CFAP58: variants seen among roughly 807,000 people sequenced by gnomAD.
The protein encoded by CFAP58 is cilia- and flagella-associated protein 58.
In CFAP58, 88 loss-of-function variants were observed where a neutral mutation model predicts 119.5. The observed-to-expected ratio is 0.74, with a 90% confidence interval of 0.62 to 0.88. CFAP58 has a LOEUF of 0.88. Among genes scored for constraint, CFAP58 ranks in the 40% least tolerant of loss-of-function variants. CFAP58 has a pLI of 0.00. For missense variants in CFAP58, 990 were observed against 1,021.2 expected (o/e 0.97, Z 0.42); for synonymous variants, 365 against 366.3 (o/e 1.00, Z 0.04).
In CFAP58 at chr10:104,393,372, A is replaced by G. The variant is rs748527186; in HGVS notation, c.1571A>G (p.His524Arg). The G allele has an allele frequency of 1.2e-6, 2 of 1,613,926 alleles. No homozygotes were observed. The highest frequency in any genetic ancestry group is 2.2e-5 in the East Asian group (1 of 44,900). Reference protein sequence around the residue: ...DMKRKLKIMIHQVDELKEDIS... With the variant: ...DMKRKLKIMIRQVDELKEDIS... ...AAGAGAAAGTTAAAGATTATGATCC[A>G]TCAGGTAGATGAGCTGAAAGAAGAC... Residue 524 changes from histidine to arginine, a missense_variant, in exon 11 of 18, where the codon CAT becomes CGT. His to Arg is a conservative substitution (Grantham distance 29). Transcript: ENST00000369704.
intron 7 of CFAP58, among the ~76,000 whole-genome samples, chr10:104,372,878 A>G (rs1044643053): frequency 7.9e-5 from 12 of 152,176 alleles, no homozygotes; most frequent in Non-Finnish European, 1.8e-4. Flanking sequence ...CTTAGGGATC[A>G]CGTCCTTTTG....
At chr10:104,415,128 A>G (rs1207632185) in intron 15 of CFAP58, among the ~76,000 whole-genome samples, 1 of 152,126 alleles carries the variant, frequency 6.6e-6, no homozygotes, top group African/African-American at 2.4e-5. Context: ...ACTGTACAGG[A>G]TGCTATGGGA....
the CFAP58 span, among the ~76,000 whole-genome samples, chr10:104,346,633 C>CTTTTTT: frequency 1.5e-3 from 147 of 101,100 alleles, 13 homozygotes; most frequent in African/African-American, 5.6e-3. Flanking sequence ...GCCATTTAGT[C>CTTTTTT]TTTTTTTTTT....
chr10:104,358,616 AAAG>A lies in CFAP58; in HGVS notation c.289_291del (p.Lys97del), dbSNP rs1226195659. 3 of 1,607,584 alleles carry A rather than the reference AAAG, an allele frequency of 1.9e-6. No homozygotes were observed. Among genetic ancestry groups the A allele is most frequent in the Non-Finnish European group, 1.7e-6 (2 of 1,175,958 alleles). On this transcript the variant is annotated inframe_deletion, in exon 2 of 18. Coordinates refer to ENST00000369704, the MANE Select transcript of CFAP58 (RefSeq NM_001008723.2). ...ATGATCAGACCACCATTGCATCCCT[AAAG>A]AAGGTCAGTGATCTTCTAGAAATGG... is the stretch of plus-strand genomic sequence containing the variant.
chr10:104,406,844 C>A, intron 15 of CFAP58, 51 bp downstream of exon 15: 1 of 1,342,446 alleles, frequency 7.4e-7, no homozygotes, highest in Non-Finnish European at 1.1e-6. Flanking sequence ...GCACCACCAT[C>A]TCCAGGACTA....
chr10:104,339,231 A>G, the CFAP58 span, among the ~76,000 whole-genome samples: 70 of 152,290 alleles, frequency 4.6e-4, no homozygotes, highest in African/African-American at 1.6e-3. Flanking sequence ...TCCGGGATTA[A>G]CCGGGCACAA....
chr10:104,406,014 C>T (rs769841223), intron 14 of CFAP58, among the ~76,000 whole-genome samples: 6 of 152,100 alleles, frequency 3.9e-5, no homozygotes, highest in Admixed American at 2.0e-4. Flanking sequence ...GAGGATTGCT[C>T]GATCCCCCAG....
upstream of CFAP58, chr10:104,353,783 G>C: frequency 4.5e-6 from 6 of 1,330,230 alleles, no homozygotes; most frequent in South Asian, 8.0e-5. Flanking sequence ...GCGGGTTTCC[G>C]CTCGGGGCGG....
the CFAP58 span, among the ~76,000 whole-genome samples, chr10:104,344,308 C>A: frequency 6.6e-6 from 1 of 152,316 alleles, no homozygotes; most frequent in East Asian, 1.9e-4. Context: ...TTCATCCATC[C>A]ATTCATTCAA....
chr10:104,356,720 G>C (rs1263951380), intron 1 of CFAP58, among the ~76,000 whole-genome samples: 1 of 151,716 alleles, frequency 6.6e-6, no homozygotes, highest in Non-Finnish European at 1.5e-5. Context: ...TCTTTCTGTG[G>C]GTTCATAGAG....
At chr10:104,383,198 C>T (rs2011852605) in intron 9 of CFAP58, among the ~76,000 whole-genome samples, 1 of 152,178 alleles carries the variant, frequency 6.6e-6, no homozygotes, top group East Asian at 1.9e-4. Flanking sequence ...GTCAAGCTCC[C>T]TCTGGTTCCT....
At chr10:104,420,674 A>T (rs1362977187) in intron 15 of CFAP58, among the ~76,000 whole-genome samples, 3 of 152,156 alleles carry the variant, frequency 2.0e-5, no homozygotes, top group Non-Finnish European at 4.4e-5. Context: ...AGTGGTTTTC[A>T]AAAGGGGTAT....
intron 9 of CFAP58, among the ~76,000 whole-genome samples, chr10:104,389,647 C>G (rs984279768): frequency 2.6e-5 from 4 of 152,150 alleles, no homozygotes; most frequent in Non-Finnish European, 4.4e-5. Context: ...ATGGTGAAGT[C>G]ACACCCTACA....
chr10:104,383,193 G>T (rs766973504), intron 9 of CFAP58, among the ~76,000 whole-genome samples: 1 of 152,134 alleles, frequency 6.6e-6, no homozygotes, highest in Non-Finnish European at 1.5e-5. Context: ...CTCAGGTCAA[G>T]CTCCCTCTGG....
intron 15 of CFAP58, among the ~76,000 whole-genome samples, chr10:104,421,244 A>G (rs1177205727): frequency 6.6e-6 from 1 of 152,174 alleles, no homozygotes; most frequent in African/African-American, 2.4e-5. Flanking sequence ...CTATGACAAG[A>G]AATGAATTTC....
chr10:104,349,313 G>A (rs1197902802), upstream of CFAP58, among the ~76,000 whole-genome samples: 2 of 151,960 alleles, frequency 1.3e-5, no homozygotes, highest in African/African-American at 4.9e-5. Flanking sequence ...TTTCCTCACA[G>A]TTATGGAGGT....
chr10:104,339,677 T>C, the CFAP58 span, among the ~76,000 whole-genome samples: 1 of 152,246 alleles, frequency 6.6e-6, no homozygotes, highest in Non-Finnish European at 1.5e-5. Flanking sequence ...GAAAATGTTC[T>C]AAAAATAGAC....
rs762542201 is a variant in CFAP58, at chr10:104,370,934, G to T, written c.970G>T (p.Gly324Trp). The change falls in exon 7 of 18, where the codon GGG (glycine) becomes TGG (tryptophan). Residue 324 changes from glycine to tryptophan, a missense_variant. Coordinates refer to ENST00000369704, the MANE Select transcript of CFAP58 (RefSeq NM_001008723.2). The stretch of plus-strand genomic sequence containing the variant: ...AGTCCATCAAATGCGCCTTGACATC[G>T]GGAAGCTCAACAAAATCAGAGAACA... ...EEVHQMRLDIGKLNKIREQIH... is the reference protein window; with the variant it reads ...EEVHQMRLDIWKLNKIREQIH... 6.2e-7 allele frequency: 1 copy of T among 1,613,152 alleles called. No individual in the cohort carries two copies. The highest frequency in any genetic ancestry group is 8.5e-7 in the Non-Finnish European group (1 of 1,179,726).
upstream of CFAP58, chr10:104,353,360 G>A (rs2014489025): frequency 6.5e-6 from 1 of 153,888 alleles, no homozygotes; most frequent in Admixed American, 6.5e-5. Flanking sequence ...TGTTTTACAA[G>A]GGTTGAACTG....
Sources: gnomAD v4.1 joint callset for allele counts (sites outside exome capture counted in the v4.1 genomes callset) on GRCh38, gnomAD v4.1.1 for gene constraint, MANE v1.5 for transcripts, NCBI Gene and HGNC (gene_info 2026-07-23, HGNC 2026-07-21) for gene names.